CHD7: variants seen among roughly 807,000 people sequenced by gnomAD.
The protein encoded by CHD7 is ATP-dependent chromatin remodeler CHD7.
CHD7 carries 24 observed loss-of-function variants against 307.3 expected under a neutral mutation model. The ratio of observed to expected loss-of-function variants is 0.08; its 90% CI spans 0.06 to 0.11. The LOEUF is 0.11. Ranked by LOEUF, CHD7 falls within the 10% of genes least tolerant of loss-of-function variation. The pLI is 1.00. For missense variants in CHD7, 3,106 were observed against 3,727.1 expected (o/e 0.83, Z 4.34); for synonymous variants, 1,363 against 1,349.9 (o/e 1.01, Z -0.21).
intron 1 of CHD7, among the ~76,000 whole-genome samples, chr8:60,720,644 T>G (rs1010938316): frequency 1.3e-5 from 2 of 152,232 alleles, no homozygotes; most frequent in African/African-American, 4.8e-5. Context: ...CCCTTCTCCG[T>G]TCTGGTAGAG....
chr8:60,759,418 T>TC (rs1810052000), intron 2 of CHD7, among the ~76,000 whole-genome samples: 2 of 151,566 alleles, frequency 1.3e-5, no homozygotes, highest in East Asian at 1.9e-4. Flanking sequence ...CCTCCCTTTC[T>TC]CCCTCTCCCT....
At chr8:60,684,510 G>A (rs1805786411) in intron 1 of CHD7, among the ~76,000 whole-genome samples, 1 of 152,322 alleles carries the variant, frequency 6.6e-6, no homozygotes, top group South Asian at 2.1e-4. Flanking sequence ...CAGGAGGAGT[G>A]AGAGCTTAGG....
chr8:60,712,983 G>A (rs1454177442), intron 1 of CHD7, among the ~76,000 whole-genome samples: 2 of 149,732 alleles, frequency 1.3e-5, no homozygotes, highest in Non-Finnish European at 3.0e-5. Flanking sequence ...CCCTGGAGGG[G>A]GAGTTACGCT....
chr8:60,761,160 C>T (rs375847752), intron 2 of CHD7, among the ~76,000 whole-genome samples: 1 of 151,618 alleles, frequency 6.6e-6, no homozygotes, highest in East Asian at 1.9e-4. Context: ...TACTATGCAG[C>T]CATAAAAAAT....
Position 60,795,139 on chromosome 8 carries a change from A to T in CHD7, c.2238+12A>T. On this transcript the variant is annotated intron_variant, in intron 4 of 37. Transcript: ENST00000423902. ...ACCCAGGTGTTCAGGTAATACAATT[A>T]TTGTGATTCCCGAGCCTTGGTTATT... 2 of 1,608,594 alleles carry T rather than the reference A, an allele frequency of 1.2e-6. No homozygotes were observed. The highest frequency in any genetic ancestry group is 2.2e-5 in the South Asian group (2 of 89,646).
intron 2 of CHD7, among the ~76,000 whole-genome samples, chr8:60,765,453 C>T (rs1178653077): frequency 6.6e-6 from 1 of 152,178 alleles, no homozygotes; most frequent in Admixed American, 6.5e-5. Flanking sequence ...GTTACTTGGC[C>T]TTGTGGGAGC....
chr8:60,781,226 G>A lies in CHD7; in HGVS notation c.1892G>A (p.Arg631Lys), dbSNP rs1186672452. The A allele has an allele frequency of 5.0e-6, 8 of 1,588,786 alleles. No individual in the cohort carries two copies. The South Asian group carries it at 8.0e-5, about 16-fold the overall frequency. Residue 631 changes from arginine (R) to lysine (K), a missense_variant, in exon 3 of 38, where the codon AGG becomes AAG. Arg to Lys is a conservative substitution (Grantham distance 26). Around this residue, in one of 10 missense-constraint regions of CHD7, gnomAD observed 998 missense variants for 1,004.5 expected, o/e 0.99. Transcript: ENST00000423902. ...PGGVDNQELN[R>K]NSLDGSQEEK... is the part of the protein sequence containing the mutation. ...GGGGTAGATAACCAAGAACTAAATAGGAACTCACTGGATGGGTCCCAAGAA... is the reference window on the plus strand; with the variant it reads ...GGGGTAGATAACCAAGAACTAAATAAGAACTCACTGGATGGGTCCCAAGAA...
chr8:60,787,706 G>A (rs895558926), intron 3 of CHD7, among the ~76,000 whole-genome samples: 3 of 151,968 alleles, frequency 2.0e-5, no homozygotes, highest in African/African-American at 7.3e-5. Flanking sequence ...TAGCCAAAGT[G>A]TTAATGTCTG....
intron 1 of CHD7, among the ~76,000 whole-genome samples, chr8:60,716,534 G>C (rs1807609727): frequency 6.6e-6 from 1 of 152,106 alleles, no homozygotes; most frequent in South Asian, 2.1e-4. Flanking sequence ...TGACTCCTCA[G>C]TTCCTTCCCG....
At chr8:60,819,731 T>C (rs908727650) in intron 8 of CHD7, among the ~76,000 whole-genome samples, 1 of 152,226 alleles carries the variant, frequency 6.6e-6, no homozygotes, top group African/African-American at 2.4e-5. Context: ...TGAATTGTAA[T>C]TTCACACTTC....
rs750258756 is a variant in CHD7, at chr8:60,838,238, G to A, written c.4516G>A (p.Gly1506Ser). ...HTITIESEGKGSTFAKASFVA... is the reference protein window; with the variant it reads ...HTITIESEGKSSTFAKASFVA... ...CATTACCATTGAGTCAGAAGGGAAA[G>A]GTTCCACATTTGCTAAGGTGTGAAT... Residue 1506 changes from glycine to serine, a missense_variant, in exon 19 of 38, where the codon GGT becomes AGT. By Grantham distance (56) the Gly-to-Ser change is moderately conservative. Around this residue, in one of 10 missense-constraint regions of CHD7, gnomAD observed 93 missense variants for 176.4 expected, o/e 0.53. Transcript: ENST00000423902. 36 of 1,603,870 alleles carry A rather than the reference G, an allele frequency of 2.2e-5. No homozygotes were observed. In the East Asian group the frequency reaches 7.8e-4, roughly 35 times the overall value.
At chr8:60,758,719 A>C (rs1259199278) in intron 2 of CHD7, among the ~76,000 whole-genome samples, 1 of 152,180 alleles carries the variant, frequency 6.6e-6, no homozygotes, top group Non-Finnish European at 1.5e-5. Flanking sequence ...AGGGTGGCCC[A>C]TTCAACTCAC....
chr8:60,862,444 C>T lies in CHD7; in HGVS notation c.7972-104C>T, dbSNP rs929627837. The T allele has an allele frequency of 2.4e-5, 35 of 1,444,772 alleles. No homozygotes were observed. The East Asian group carries it at 5.2e-4, about 21-fold the overall frequency. The allele number at this position is 1,444,772 out of a possible 1,614,324, so 89.5% of individuals were successfully genotyped here. A position where few individuals can be genotyped will look rare whatever the true frequency, so the allele number is the denominator to read the frequency against. On this transcript the variant is annotated intron_variant, in intron 36 of 37. Transcript: ENST00000423902. ...GAAAAGAATCCTGTCTGCCCGAATG[C>T]GTGTGTGCGTGTATGTGTGTATTAT...
chr8:60,810,488 C>CA (rs1812748986), intron 7 of CHD7, among the ~76,000 whole-genome samples: 1 of 151,796 alleles, frequency 6.6e-6, no homozygotes, highest in Admixed American at 6.6e-5. Flanking sequence ...ACAGCAAAAA[C>CA]AATGTGTATA....
chr8:60,801,832 C>T (rs1358467284), intron 6 of CHD7, among the ~76,000 whole-genome samples: 1 of 152,192 alleles, frequency 6.6e-6, no homozygotes, highest in Non-Finnish European at 1.5e-5. Flanking sequence ...TAGAAACTCA[C>T]AAGTCTCCAA....
intron 9 of CHD7, 52 bp from the exon 10 acceptor site, chr8:60,821,728 ATATGTATATG>A: frequency 7.1e-7 from 1 of 1,405,730 alleles, no homozygotes; most frequent in Non-Finnish European, 9.7e-7. Context: ...ATACACATAT[ATATGTATATG>A]TATGTATGTG....
At chr8:60,811,025 C>T (rs1276388532) in intron 7 of CHD7, among the ~76,000 whole-genome samples, 2 of 152,182 alleles carry the variant, frequency 1.3e-5, no homozygotes, top group Non-Finnish European at 2.9e-5. Flanking sequence ...TTATGAGAAT[C>T]TAACTAATGC....
chr8:60,725,893 A>G (rs1340730094), intron 1 of CHD7, among the ~76,000 whole-genome samples: 1 of 152,200 alleles, frequency 6.6e-6, no homozygotes, highest in African/African-American at 2.4e-5. Context: ...TGGTGCTGGC[A>G]GGCATCCCAG....
chr8:60,771,836 G>C (rs375365787), intron 2 of CHD7, among the ~76,000 whole-genome samples: 4 of 152,166 alleles, frequency 2.6e-5, no homozygotes, highest in African/African-American at 9.7e-5. Flanking sequence ...CACCATGTTG[G>C]GTTCCCTGGC....
Sources: gnomAD v4.1 joint callset for allele counts (sites outside exome capture counted in the v4.1 genomes callset) on GRCh38, gnomAD v4.1.1 for gene constraint, gnomAD v4.1.1 regional missense constraint, MANE v1.5 for transcripts, NCBI Gene and HGNC (gene_info 2026-07-23, HGNC 2026-07-21) for gene names.